The following CCDC102A variants were observed in gnomAD, a reference collection of about 807,000 sequenced individuals.
CCDC102A encodes the protein coiled-coil domain containing 102A, also known as coiled-coil domain-containing protein 102A.
A neutral mutation model predicts 55.5 loss-of-function variants in CCDC102A; 40 were observed. That is an observed-to-expected ratio of 0.72 (90% CI 0.56 to 0.94). The LOEUF (loss-of-function observed/expected upper bound fraction) is 0.94, where lower values mean the gene tolerates loss of function less well. CCDC102A is among the 40% of genes least tolerant of loss of function. CCDC102A has a pLI of 0.00. For missense variants in CCDC102A, 779 were observed against 768.6 expected (o/e 1.01, Z -0.16); for synonymous variants, 323 against 339.0 (o/e 0.95, Z 0.52).
Position 57,521,158 on chromosome 16 carries a change from G to A in CCDC102A, c.831C>T (p.Ser277=). ...LKEREDKLAL[S]RNIEKLEGEL... ...CCCCCTCTAGCTTCTCAATGTTCCT[G>A]CTCAACGCCAGTTTATCCCTGGGGA... Residue 277 remains serine (S), a synonymous_variant, in exon 4 of 9, where the codon AGC becomes AGT. Coordinates refer to ENST00000258214, the MANE Select transcript of CCDC102A (RefSeq NM_033212.4). The A allele has an allele frequency of 1.9e-6, 3 of 1,612,990 alleles. No homozygotes were observed. Among genetic ancestry groups the A allele is most frequent in the Non-Finnish European group, 1.7e-6 (2 of 1,179,824 alleles).
chr16:57,519,302 GC>G (rs1402291969), intron 4 of CCDC102A, among the ~76,000 whole-genome samples: 1 of 152,138 alleles, frequency 6.6e-6, no homozygotes, highest in African/African-American at 2.4e-5. Flanking sequence ...TGACCTAAAG[GC>G]CCCCTCCTTA....
chr16:57,524,086 AC>A (rs1183295815), intron 3 of CCDC102A, among the ~76,000 whole-genome samples: 1 of 151,934 alleles, frequency 6.6e-6, no homozygotes, highest in Non-Finnish European at 1.5e-5. Flanking sequence ...GCAAGAGAGA[AC>A]CCTCTCTTCG....
intron 4 of CCDC102A, among the ~76,000 whole-genome samples, chr16:57,520,765 C>A (rs77232057): frequency 0.084 from 12,679 of 151,670 alleles, 743 homozygotes; most frequent in East Asian, 0.26. Context: ...CATGGTGAAA[C>A]CCTGTCTCTA....
rs779688950 is a variant in CCDC102A, at chr16:57,529,737, C to T, written c.-147-413G>A. ...AGACTCTTCTGAGGTATCACTTCCT[C>T]CTGGAAGCCCTCCTGGAGCACTTCA... On this transcript the variant is annotated intron_variant, in intron 1 of 8. Coordinates refer to ENST00000258214, the MANE Select transcript of CCDC102A (RefSeq NM_033212.4). This position sits in a 1 kb window ranked among gnomAD's most constrained non-coding sequence, Gnocchi z 4.1. Among the ~76,000 whole-genome samples, 2 of 152,182 alleles carry T rather than the reference C, an allele frequency of 1.3e-5. No homozygotes were observed. The highest frequency in any genetic ancestry group is 2.9e-5 in the Non-Finnish European group (2 of 68,042).
At chr16:57,515,571 G>GCCTAGGTA in intron 7 of CCDC102A, 127 bp from the exon 8 acceptor site, 1 of 685,088 alleles carries the variant, frequency 1.5e-6, no homozygotes, top group Admixed American at 2.1e-5. Flanking sequence ...TTTGCTCCTT[G>GCCTAGGTA]AGGCCTAGGC....
chr16:57,512,932 C>G, intron 8 of CCDC102A, 62 bp from the exon 9 acceptor site: 1 of 1,476,350 alleles, frequency 6.8e-7, no homozygotes, highest in Non-Finnish European at 9.3e-7. Context: ...GATAAGGTGG[C>G]TGCAGCTGGT....
intron 3 of CCDC102A, among the ~76,000 whole-genome samples, chr16:57,524,594 T>G (rs563073612): frequency 0.047 from 6,833 of 146,268 alleles, 223 homozygotes; most frequent in South Asian, 0.18. Context: ...TATATATATA[T>G]ATAGAGAGAG....
chr16:57,527,418 C>CTTTGTT (rs1555519820), intron 2 of CCDC102A, among the ~76,000 whole-genome samples: 4 of 87,520 alleles, frequency 4.6e-5, no homozygotes, highest in Non-Finnish European at 6.1e-5. Context: ...ATTGCTGCTG[C>CTTTGTT]TTTTTTTTTT....
At chr16:57,531,517 T>A (rs183288055) in intron 1 of CCDC102A, among the ~76,000 whole-genome samples, 93 of 152,170 alleles carry the variant, frequency 6.1e-4, no homozygotes, top group Non-Finnish European at 1.2e-3. Context: ...TTCACCTCCT[T>A]CAAATCCATT....
intron 3 of CCDC102A, among the ~76,000 whole-genome samples, chr16:57,522,646 T>A (rs2032070775): frequency 6.6e-6 from 1 of 152,234 alleles, no homozygotes; most frequent in Non-Finnish European, 1.5e-5. Context: ...AGTTGCTAAG[T>A]CTGCACACCT....
At chr16:57,523,476 ATT>A (rs766409543) in intron 3 of CCDC102A, among the ~76,000 whole-genome samples, 7 of 144,242 alleles carry the variant, frequency 4.9e-5, no homozygotes, top group African/African-American at 5.1e-5. Flanking sequence ...CATTATAGTG[ATT>A]TTTTTTTTTT....
Position 57,526,651 on chromosome 16 carries a change from CCTT to C in CCDC102A, c.586-527_586-525del, listed in dbSNP as rs532453898. On this transcript the variant is annotated intron_variant, in intron 2 of 8. Transcript: ENST00000258214. ...GCCCCTTTCCTTCTTGCCATCCTGC[CCTT>C]CTTCTCCGCCCCGCCCATCTCCAAG... 1.5e-3 allele frequency among the ~76,000 whole-genome samples: 224 copies of C among 152,256 alleles called. 1 individual carries two copies. The highest frequency in any genetic ancestry group is 5.3e-3 in the African/African-American group (220 of 41,546).
intron 3 of CCDC102A, 92 bp downstream of exon 3, chr16:57,525,809 G>A: frequency 8.7e-7 from 1 of 1,152,182 alleles, no homozygotes; most frequent in Non-Finnish European, 1.3e-6. Flanking sequence ...AACACTACCT[G>A]TCATCTTCGT....
At chr16:57,536,665 G>C (rs1263664638), upstream of CCDC102A, 1 of 152,130 alleles carries the variant, frequency 6.6e-6, no homozygotes, top group Non-Finnish European at 1.5e-5. Context: ...CCCCCGAAGC[G>C]GTCGCAGGCT....
chr16:57,532,227 T>G (rs1174794825), intron 1 of CCDC102A, among the ~76,000 whole-genome samples: 1 of 152,154 alleles, frequency 6.6e-6, no homozygotes, highest in East Asian at 1.9e-4. Context: ...GAATTTGCAT[T>G]TTAATAGTCT....
chr16:57,533,494 C>A (rs739815), intron 1 of CCDC102A, among the ~76,000 whole-genome samples: 2,427 of 150,154 alleles, frequency 0.016, 32 homozygotes, highest in Middle Eastern at 0.051. Context: ...ACACACACCC[C>A]CAGGGACCCG....
chr16:57,536,713 G>C (rs1243224239), upstream of CCDC102A: 1 of 152,238 alleles, frequency 6.6e-6, no homozygotes, highest in East Asian at 1.9e-4. Context: ...GAGCTGCTGG[G>C]GTGGGGGCTC....
At chr16:57,520,247 G>C (rs1314210112) in intron 4 of CCDC102A, among the ~76,000 whole-genome samples, 1 of 152,158 alleles carries the variant, frequency 6.6e-6, no homozygotes, top group Non-Finnish European at 1.5e-5. Context: ...CGCACACGCT[G>C]GGCTTGTTCC....
At chr16:57,520,976 A>T in intron 4 of CCDC102A, 92 bp downstream of exon 4, 1 of 816,094 alleles carries the variant, frequency 1.2e-6, no homozygotes, top group African/African-American at 1.7e-5. Context: ...TGGATGAATT[A>T]ATGAATGAAT....
Sources: gnomAD v4.1 joint callset for allele counts (sites outside exome capture counted in the v4.1 genomes callset) on GRCh38, gnomAD v4.1.1 for gene constraint, Gnocchi (gnomAD v3.1) non-coding constraint, MANE v1.5 for transcripts, NCBI Gene and HGNC (gene_info 2026-07-23, HGNC 2026-07-21) for gene names.